CDK12: variants seen among roughly 807,000 people sequenced by gnomAD.
CDK12 encodes the protein cyclin dependent kinase 12.
CDK12 carries 17 observed loss-of-function variants against 133.8 expected under a neutral mutation model. That is an observed-to-expected ratio of 0.13 (90% CI 0.09 to 0.19). The LOEUF is 0.19. Ranked by LOEUF, CDK12 falls within the 10% of genes least tolerant of loss-of-function variation. CDK12 has a pLI of 1.00. For missense variants in CDK12, 1,508 were observed against 1,818.7 expected, an observed-to-expected ratio of 0.83 and a Z score of 3.11; for synonymous variants, 694 against 683.6, an observed-to-expected ratio of 1.02 and a Z score of -0.24.
At chr17:39,527,843 G>A (rs552194375) in intron 13 of CDK12, among the ~76,000 whole-genome samples, 6 of 147,628 alleles carry the variant, frequency 4.1e-5, no homozygotes, top group Middle Eastern at 3.9e-3. Context: ...CACTACCCCC[G>A]GCCTGAAGTT....
At position 39,490,710 on chromosome 17, in the gene CDK12, G is replaced by C. The variant is rs1465112986; in HGVS notation, c.2085G>C (p.Gln695His). 1 of 1,610,792 alleles carries C rather than the reference G, an allele frequency of 6.2e-7. No individual in the cohort carries two copies. The highest frequency in any genetic ancestry group is 8.5e-7 in the Non-Finnish European group (1 of 1,178,652). Reference sequence around the variant, plus strand: ...AACCAAAGGCAATCACACCACCTCAGCAACCATATAAAAAGAGACCAAAGT... The same window carrying C: ...AACCAAAGGCAATCACACCACCTCACCAACCATATAAAAAGAGACCAAAGT... ...SPEPKAITPPQQPYKKRPKIC... is the reference protein window; with the variant it reads ...SPEPKAITPPHQPYKKRPKIC... Residue 695 changes from glutamine (Q) to histidine (H), a missense_variant, in exon 3 of 14, where the codon CAG (glutamine) becomes CAC (histidine). Transcript: ENST00000447079.
At chr17:39,494,011 A>G (rs1240939470) in intron 4 of CDK12, among the ~76,000 whole-genome samples, 1 of 152,040 alleles carries the variant, frequency 6.6e-6, no homozygotes, top group Admixed American at 6.6e-5. Context: ...CAAAAAATTC[A>G]AGTCTTAAGA....
chr17:39,509,441 T>G lies in CDK12; in HGVS notation c.2610-264T>G, dbSNP rs2053344832. On this transcript the variant is annotated intron_variant, in intron 6 of 13. Coordinates refer to ENST00000447079, the MANE Select transcript of CDK12 (RefSeq NM_016507.4). The stretch of plus-strand genomic sequence containing the variant: ...TCAGAAAATGTAATAATAGTTTTTT[T>G]TTGTTTTTTAAGTGTAAGGCATTAT... 2.0e-5 allele frequency among the ~76,000 whole-genome samples: 3 copies of G among 152,222 alleles called. No individual in the cohort carries two copies. In the South Asian group the frequency reaches 6.2e-4, roughly 32 times the overall value.
chr17:39,475,055 G>A (rs1034229597), intron 2 of CDK12, among the ~76,000 whole-genome samples: 2 of 151,728 alleles, frequency 1.3e-5, no homozygotes, highest in Admixed American at 6.6e-5. Context: ...GGCTGGTCTC[G>A]AACTCCTGAC....
chr17:39,563,782 T>G (rs369850583), intron 3 of CDK12, among the ~76,000 whole-genome samples: 72 of 138,778 alleles, frequency 5.2e-4, no homozygotes, highest in African/African-American at 1.9e-3. Context: ...AGAGGGAGAG[T>G]GAGAGTGAGG....
chr17:39,522,643 A>G (rs898890885), intron 11 of CDK12, among the ~76,000 whole-genome samples: 2 of 151,970 alleles, frequency 1.3e-5, no homozygotes, highest in Non-Finnish European at 2.9e-5. Flanking sequence ...CATGTTGACC[A>G]GACTTGTCTC....
intron 2 of CDK12, among the ~76,000 whole-genome samples, chr17:39,474,354 T>C (rs1449627645): frequency 6.6e-6 from 1 of 152,214 alleles, no homozygotes; most frequent in Non-Finnish European, 1.5e-5. Flanking sequence ...GATCTGGCTC[T>C]GTCCCCCAGG....
At chr17:39,512,301 C>G (rs1156824551) in intron 8 of CDK12, among the ~76,000 whole-genome samples, 1 of 152,122 alleles carries the variant, frequency 6.6e-6, no homozygotes, top group Non-Finnish European at 1.5e-5. Context: ...AAGGTTGATT[C>G]CTAACCACCC....
rs1194345392 is a variant in CDK12, at chr17:39,478,003, G to T, written c.1931+6240G>T. On this transcript the variant is annotated intron_variant, in intron 2 of 13. Transcript: ENST00000447079. ...TTACAGGCATGAGCCACTGCACCGG[G>T]CCCATCTAATTATTTTTAAACATGA... Among the ~76,000 whole-genome samples the T allele has an allele frequency of 2.0e-5, 3 of 151,508 alleles. No homozygotes were observed. In the East Asian group the frequency reaches 5.8e-4, roughly 29 times the overall value.
chr17:39,503,675 C>G (rs1230911959), intron 6 of CDK12, among the ~76,000 whole-genome samples: 1 of 152,150 alleles, frequency 6.6e-6, no homozygotes. Flanking sequence ...TGAATTTCCT[C>G]CTCAGGTTGC....
chr17:39,501,310 G>A lies in CDK12; in HGVS notation c.2480G>A (p.Gly827Asp), dbSNP rs2146139433. ...DHDLMGLLES[G>D]LVHFSEDHIK... Reference sequence around the variant, plus strand: ...GACTTAATGGGACTGCTAGAATCTGGTTTGGTGCACTTTTCTGAGGACCAT... The same window carrying A: ...GACTTAATGGGACTGCTAGAATCTGATTTGGTGCACTTTTCTGAGGACCAT... The change falls in exon 6 of 14, where the codon GGT becomes GAT. Residue 827 changes from glycine (G) to aspartate (D), a missense_variant. Physicochemically the swap from Gly to Asp is moderately conservative, Grantham distance 94. This residue lies in a region of CDK12 where 74 missense variants were observed against 160.2 expected (regional missense o/e 0.46). Transcript: ENST00000447079. The A allele has an allele frequency of 1.2e-6, 2 of 1,613,606 alleles. No individual in the cohort carries two copies. The highest frequency in any genetic ancestry group is 1.7e-6 in the Non-Finnish European group (2 of 1,179,882).
intron 1 of CDK12, among the ~76,000 whole-genome samples, chr17:39,466,809 T>C (rs1189041789): frequency 6.6e-6 from 1 of 151,830 alleles, no homozygotes; most frequent in Non-Finnish European, 1.5e-5. Flanking sequence ...TAGAGAGCAT[T>C]ATATGTTTGT....
upstream of CDK12, among the ~76,000 whole-genome samples, chr17:39,543,040 T>C (rs946494829): frequency 1.3e-5 from 2 of 152,118 alleles, no homozygotes; most frequent in African/African-American, 4.8e-5. Context: ...TGAAGCTCTT[T>C]TGCTATATTG....
In CDK12 at chr17:39,462,120, G is replaced by A. The variant is rs770630211; in HGVS notation, c.49G>A (p.Ala17Thr). The A allele has an allele frequency of 6.2e-7, 1 of 1,614,194 alleles. No homozygotes were observed. The highest frequency in any genetic ancestry group is 8.5e-7 in the Non-Finnish European group (1 of 1,180,004). ...HGGKKDGSGG[A>T]SGTLQPSSGG... ...GGGCAAGAAGGACGGGAGTGGAGGA[G>A]CTTCTGGAACTTTGCAGCCGTCATC... The change falls in exon 1 of 14, where the codon GCT becomes ACT. Residue 17 changes from alanine to threonine, a missense_variant. This residue lies in a region of CDK12 where 460 missense variants were observed against 490.8 expected (regional missense o/e 0.94). Transcript: ENST00000447079.
intron 13 of CDK12, among the ~76,000 whole-genome samples, chr17:39,528,282 A>T (rs1429462492): frequency 1.3e-5 from 2 of 152,044 alleles, no homozygotes; most frequent in Admixed American, 6.6e-5. Context: ...TATGATTTAT[A>T]ATTCATATTT....
chr17:39,491,607 A>C (rs2051608485), intron 3 of CDK12, among the ~76,000 whole-genome samples: 1 of 151,980 alleles, frequency 6.6e-6, no homozygotes, highest in Non-Finnish European at 1.5e-5. Context: ...TACCTGAGAG[A>C]GTTCAGAAAG....
At chr17:39,562,792 GC>G (rs1567826722) in intron 3 of CDK12, among the ~76,000 whole-genome samples, 1 of 151,446 alleles carries the variant, frequency 6.6e-6, no homozygotes, top group Non-Finnish European at 1.5e-5. Context: ...CAAACTTCAG[GC>G]CTGCCTCAGC....
intron 13 of CDK12, among the ~76,000 whole-genome samples, chr17:39,527,539 TTTTG>T (rs1422087536): frequency 2.6e-5 from 4 of 151,974 alleles, no homozygotes; most frequent in South Asian, 2.1e-4. Flanking sequence ...AAATGAAGGG[TTTTG>T]TTTGTTTATT....
chr17:39,467,928 C>T (rs146248357), intron 1 of CDK12, among the ~76,000 whole-genome samples: 48 of 151,490 alleles, frequency 3.2e-4, no homozygotes, highest in African/African-American at 1.1e-3. Context: ...GAGTGTCTCT[C>T]TGTCACCCAG....
Sources: allele counts gnomAD v4.1 joint callset (sites outside exome capture counted in the v4.1 genomes callset), GRCh38; gene constraint gnomAD v4.1.1; regional missense constraint gnomAD v4.1.1; transcripts MANE v1.5; gene names NCBI Gene and HGNC (gene_info 2026-07-23, HGNC 2026-07-21).